The following CNBD1 variants were observed in gnomAD, a reference collection of about 807,000 sequenced individuals.
The protein encoded by CNBD1 is cyclic nucleotide-binding domain-containing protein 1.
A neutral mutation model predicts 54.4 loss-of-function variants in CNBD1; 71 were observed. The ratio of observed to expected loss-of-function variants is 1.30; its 90% confidence interval spans 1.08 to 1.59. The LOEUF (loss-of-function observed/expected upper bound fraction) is 1.59. CNBD1 is among the 40% of genes most tolerant of loss of function. CNBD1 has a pLI of 0.00. For missense variants in CNBD1, 659 were observed against 518.0 expected (o/e 1.27, Z -2.64); for synonymous variants, 182 against 170.7 (o/e 1.07, Z -0.51).
intron 4 of CNBD1, among the ~76,000 whole-genome samples, chr8:87,124,157 C>G (rs1337103443): frequency 6.6e-6 from 1 of 151,516 alleles, no homozygotes; most frequent in Non-Finnish European, 1.5e-5. Flanking sequence ...ACAAAAAAGA[C>G]AAGGACACTA....
intron 4 of CNBD1, among the ~76,000 whole-genome samples, chr8:87,062,798 T>C (rs577553584): frequency 3.9e-5 from 6 of 152,208 alleles, no homozygotes; most frequent in African/African-American, 1.4e-4. Flanking sequence ...TAGGATTTAA[T>C]GTGAGCCATG....
At chr8:87,412,737 A>G (rs1807769252) in intron 2 of CNBD1, among the ~76,000 whole-genome samples, 1 of 152,124 alleles carries the variant, frequency 6.6e-6, no homozygotes. Flanking sequence ...CCTCTGTGAC[A>G]TGTACTTTTC....
intron 2 of CNBD1, among the ~76,000 whole-genome samples, chr8:86,893,658 A>G (rs995134549): frequency 6.6e-6 from 1 of 152,318 alleles, no homozygotes; most frequent in Non-Finnish European, 1.5e-5. Context: ...CTCCTGGAAA[A>G]AAAAGCAACC....
chr8:87,377,067 CTTTA>C (rs1226269378), intron 10 of CNBD1, among the ~76,000 whole-genome samples: 4 of 131,356 alleles, frequency 3.0e-5, no homozygotes, highest in Admixed American at 3.0e-4. Context: ...ATTTTTATTT[CTTTA>C]TTTTATTTTA....
chr8:86,870,187 C>CTTTTTTTTT (rs1420611337), intron 1 of CNBD1, among the ~76,000 whole-genome samples: 1 of 47,776 alleles, frequency 2.1e-5, no homozygotes, highest in African/African-American at 1.1e-4. Flanking sequence ...CAAGATAGTA[C>CTTTTTTTTT]TCTTTTTTTT....
intron 4 of CNBD1, among the ~76,000 whole-genome samples, chr8:87,054,426 T>G (rs1362917004): frequency 6.6e-6 from 1 of 152,194 alleles, no homozygotes; most frequent in South Asian, 2.1e-4. Flanking sequence ...AGGGCTATCA[T>G]TGAGAGATAA....
intron 6 of CNBD1, among the ~76,000 whole-genome samples, chr8:87,255,930 T>TTCATATATATATATAAAATAC (rs1807998276): frequency 7.3e-6 from 1 of 137,282 alleles, no homozygotes; most frequent in South Asian, 2.4e-4. Context: ...TGTTGCAAGA[T>TTCATATATATATATAAAATAC]TCATATATAT....
intron 8 of CNBD1, among the ~76,000 whole-genome samples, chr8:87,319,929 A>G (rs1319609969): frequency 6.6e-6 from 1 of 152,018 alleles, no homozygotes; most frequent in East Asian, 1.9e-4. Flanking sequence ...TAACAACAAA[A>G]TTTTATCTTT....
chr8:87,389,351 C>G (rs1563583014), intron 2 of CNBD1, among the ~76,000 whole-genome samples: 1 of 152,040 alleles, frequency 6.6e-6, no homozygotes, highest in Non-Finnish European at 1.5e-5. Context: ...TCTAGAAAAC[C>G]CCAGCGTCTC....
intron 3 of CNBD1, among the ~76,000 whole-genome samples, chr8:86,936,842 T>G (rs2074579010): frequency 6.6e-6 from 1 of 152,252 alleles, no homozygotes; most frequent in South Asian, 2.1e-4. Context: ...AGTATCAAGT[T>G]TTATTAAAAA....
chr8:87,218,146 C>A (rs952451212), intron 5 of CNBD1, among the ~76,000 whole-genome samples: 1 of 152,036 alleles, frequency 6.6e-6, no homozygotes, highest in African/African-American at 2.4e-5. Context: ...TGTTCCTCCC[C>A]ACTCCTGGCA....
intron 4 of CNBD1, among the ~76,000 whole-genome samples, chr8:87,020,172 G>T (rs767810821): frequency 2.6e-5 from 4 of 151,728 alleles, no homozygotes; most frequent in Non-Finnish European, 5.9e-5. Context: ...AGAAGAAAAG[G>T]CACGATTAAA....
At chr8:87,419,282 G>T (rs1397184219) in intron 2 of CNBD1, among the ~76,000 whole-genome samples, 2 of 151,830 alleles carry the variant, frequency 1.3e-5, no homozygotes, top group Non-Finnish European at 1.5e-5. Context: ...AAAGATTAGT[G>T]TTTGCTAGGA....
intron 4 of CNBD1, among the ~76,000 whole-genome samples, chr8:87,090,113 A>T (rs912159837): frequency 2.0e-5 from 3 of 152,162 alleles, no homozygotes; most frequent in Non-Finnish European, 4.4e-5. Flanking sequence ...TTTAATTAAT[A>T]TGCAGTTCAT....
intron 1 of CNBD1, among the ~76,000 whole-genome samples, chr8:86,867,415 A>G (rs946450088): frequency 6.6e-6 from 1 of 152,198 alleles, no homozygotes; most frequent in Non-Finnish European, 1.5e-5. Context: ...AAGCTAAGCC[A>G]TCCATCCTTT....
At chr8:86,985,000 T>C (rs1305868171) in intron 4 of CNBD1, among the ~76,000 whole-genome samples, 1 of 152,134 alleles carries the variant, frequency 6.6e-6, no homozygotes, top group African/African-American at 2.4e-5. Context: ...CATCCAAATC[T>C]CATCTTGAAT....
At chr8:87,173,280 T>C (rs1835717) in intron 4 of CNBD1, among the ~76,000 whole-genome samples, 82,434 of 152,030 alleles carry the variant, frequency 0.54, 23,078 homozygotes, top group African/African-American at 0.68. Context: ...ATTGGTTCAT[T>C]ATTTGGTTTT....
intron 8 of CNBD1, among the ~76,000 whole-genome samples, chr8:87,351,369 T>G (rs866889360): frequency 1.4e-4 from 22 of 152,332 alleles, no homozygotes; most frequent in Middle Eastern, 3.4e-3. Context: ...ACCTTGGAAC[T>G]CAGCAAATGC....
At chr8:87,140,052 GA>G (rs941849686) in intron 4 of CNBD1, among the ~76,000 whole-genome samples, 14 of 151,004 alleles carry the variant, frequency 9.3e-5, no homozygotes, top group South Asian at 2.1e-4. Context: ...AAATGAAAAG[GA>G]AAAAAAAATT....
Sources: allele counts gnomAD v4.1 joint callset (sites outside exome capture counted in the v4.1 genomes callset), GRCh38; gene constraint gnomAD v4.1.1; transcripts MANE v1.5; gene names NCBI Gene and HGNC (gene_info 2026-07-23, HGNC 2026-07-21).